KMT2C: variants seen among roughly 807,000 people sequenced by gnomAD.
KMT2C encodes lysine methyltransferase 2C.
KMT2C carries 88 observed loss-of-function variants against 507.9 expected under a neutral mutation model. The ratio of observed to expected loss-of-function variants is 0.17; its 90% CI spans 0.15 to 0.21. The LOEUF is 0.21. Among genes scored for constraint, KMT2C ranks in the 10% least tolerant of loss-of-function variants. The pLI is 1.00. For synonymous variants in KMT2C, 2,049 were observed against 2,080.8 expected, an observed-to-expected ratio of 0.98 and a Z score of 0.42; for missense variants, 4,954 against 5,957.8, an observed-to-expected ratio of 0.83 and a Z score of 5.55.
At chr7:152,358,300 C>A (rs912820500) in intron 2 of KMT2C, among the ~76,000 whole-genome samples, 2 of 151,994 alleles carry the variant, frequency 1.3e-5, no homozygotes, top group Non-Finnish European at 2.9e-5. Flanking sequence ...AGCGATTATA[C>A]TAACAGCCTG....
chr7:152,172,904 G>A (rs367992226), intron 39 of KMT2C, among the ~76,000 whole-genome samples: 14 of 151,938 alleles, frequency 9.2e-5, no homozygotes, highest in African/African-American at 2.9e-4. Flanking sequence ...AATACTTTAA[G>A]GAACATATAT....
At chr7:152,391,551 T>C (rs562599880) in intron 1 of KMT2C, among the ~76,000 whole-genome samples, 2 of 152,226 alleles carry the variant, frequency 1.3e-5, no homozygotes, top group South Asian at 2.1e-4. Context: ...GCCTTTTTTT[T>C]TTTTTTTTTT....
intron 23 of KMT2C, among the ~76,000 whole-genome samples, chr7:152,211,761 C>T (rs370329866): frequency 6.6e-6 from 1 of 152,126 alleles, no homozygotes; most frequent in African/African-American, 2.4e-5. Context: ...AGAAAAAGAC[C>T]GTATCGGCCA....
chr7:152,202,049 T>A (rs1038456287), intron 26 of KMT2C, among the ~76,000 whole-genome samples: 6 of 152,180 alleles, frequency 3.9e-5, no homozygotes, highest in African/African-American at 1.2e-4. Flanking sequence ...CCAATTAAAC[T>A]AGTAATACCT....
At chr7:152,147,707 C>CAAAAAAAAAAAAAAA (rs762588729) in intron 52 of KMT2C, among the ~76,000 whole-genome samples, 7 of 46,722 alleles carry the variant, frequency 1.5e-4, no homozygotes, top group African/African-American at 5.5e-4. Flanking sequence ...AACTCCGTCT[C>CAAAAAAAAAAAAAAA]AAAAAAAAAA....
At chr7:152,170,058 C>A (rs191680933) in intron 40 of KMT2C, among the ~76,000 whole-genome samples, 1 of 152,248 alleles carries the variant, frequency 6.6e-6, no homozygotes, top group African/African-American at 2.4e-5. Flanking sequence ...CTTATACTAG[C>A]AGCCAGAATG....
intron 34 of KMT2C, among the ~76,000 whole-genome samples, chr7:152,184,089 A>AC (rs1463058312): frequency 6.6e-6 from 1 of 151,248 alleles, no homozygotes; most frequent in Non-Finnish European, 1.5e-5. Context: ...AAAAAAAAAA[A>AC]AATTTAGAAA....
chr7:152,418,228 C>G (rs879913106), intron 1 of KMT2C, among the ~76,000 whole-genome samples: 1 of 152,110 alleles, frequency 6.6e-6, no homozygotes, highest in South Asian at 2.1e-4. Flanking sequence ...GCGTGAGCCA[C>G]CATGCCCGGC....
rs559730393 is a variant in KMT2C, at chr7:152,176,294, T to A, written c.9159A>T (p.Leu3053=). The A allele has an allele frequency of 4.2e-5, 67 of 1,614,158 alleles. No homozygotes were observed. The highest frequency in any genetic ancestry group is 2.4e-4 in the African/African-American group (18 of 75,040). ...ERPLLLEEQP[L]LLQDLLDQER... ...CTTGATCCAAAAGATCCTGTAGAAGTAGAGGCTGTTCTTCTAGAAGAAGGG... is the reference window on the plus strand; with the variant it reads ...CTTGATCCAAAAGATCCTGTAGAAGAAGAGGCTGTTCTTCTAGAAGAAGGG... The change falls in exon 38 of 59, where the codon CTA becomes CTT. Residue 3053 remains leucine, a synonymous_variant. Transcript: ENST00000262189.
At chr7:152,432,818 CAA>C (rs1372656539) in intron 1 of KMT2C, among the ~76,000 whole-genome samples, 1 of 151,738 alleles carries the variant, frequency 6.6e-6, no homozygotes, top group Non-Finnish European at 1.5e-5. Context: ...TTTTTTAAGC[CAA>C]AGATAAATAC....
At chr7:152,243,913 G>C (rs1461889598) in intron 14 of KMT2C, among the ~76,000 whole-genome samples, 1 of 152,136 alleles carries the variant, frequency 6.6e-6, no homozygotes, top group Non-Finnish European at 1.5e-5. Flanking sequence ...GTCTGAACTA[G>C]ATCATAGTAG....
At chr7:152,359,569 A>C (rs1190476636) in intron 1 of KMT2C, among the ~76,000 whole-genome samples, 1 of 152,042 alleles carries the variant, frequency 6.6e-6, no homozygotes, top group Non-Finnish European at 1.5e-5. Context: ...CAAGAGTTCA[A>C]GACCAGCCTG....
chr7:152,228,720 A>C (rs1422449609), intron 18 of KMT2C, among the ~76,000 whole-genome samples: 3 of 152,240 alleles, frequency 2.0e-5, no homozygotes, highest in Non-Finnish European at 4.4e-5. Flanking sequence ...CAAAACATTA[A>C]GTATTCTAAA....
chr7:152,193,684 C>CCA lies in KMT2C; in HGVS notation c.4660+323_4660+324dup, dbSNP rs140030416. Among the ~76,000 whole-genome samples the CCA allele has an allele frequency of 2.6e-3, 389 of 151,028 alleles. 1 individual carries two copies. Among genetic ancestry groups the CCA allele is most frequent in the African/African-American group, 6.1e-3 (250 of 41,168 alleles). On this transcript the variant is annotated intron_variant, in intron 31 of 58. Coordinates refer to ENST00000262189, the MANE Select transcript of KMT2C (RefSeq NM_170606.3). ...GGCAGCCAGGTGAGCGGGGACAGTT[C>CCA]CACACACACACACACAGCAAGTGCC... is the stretch of plus-strand genomic sequence containing the variant.
rs771146833 is a variant in KMT2C at position 152,248,128 on chromosome 7, G to A, written c.2306C>T (p.Ser769Leu). The A allele has an allele frequency of 2.7e-5, 43 of 1,614,094 alleles. No individual in the cohort carries two copies. Among genetic ancestry groups the A allele is most frequent in the Non-Finnish European group, 3.6e-5 (42 of 1,180,014 alleles). The change falls in exon 14 of 59, where the codon TCA becomes TTA. Residue 769 changes from serine (S) to leucine (L), a missense_variant. By Grantham distance (145) the Ser-to-Leu change is moderately radical. Transcript: ENST00000262189. ...SIKLSSETES[S>L]FSSSADISKA... ...GCTTATGTCTGCTGATGATGAAAATGATGACTCTGTCTCAGATGATAACTT... is the reference window on the plus strand; with the variant it reads ...GCTTATGTCTGCTGATGATGAAAATAATGACTCTGTCTCAGATGATAACTT...
chr7:152,344,353 T>C (rs1388934439), intron 2 of KMT2C, among the ~76,000 whole-genome samples: 1 of 152,126 alleles, frequency 6.6e-6, no homozygotes, highest in Non-Finnish European at 1.5e-5. Flanking sequence ...GCATATACAG[T>C]ATGGATGTGC....
intron 2 of KMT2C, among the ~76,000 whole-genome samples, chr7:152,340,256 A>C (rs1589294944): frequency 6.6e-6 from 1 of 151,294 alleles, no homozygotes; most frequent in Non-Finnish European, 1.5e-5. Flanking sequence ...CCAAAGTGCT[A>C]GAATTACAGG....
chr7:152,262,989 A>T (rs750902416), intron 9 of KMT2C, 27 bp downstream of exon 9: 16 of 1,545,422 alleles, frequency 1.0e-5, no homozygotes, highest in East Asian at 2.3e-5. Context: ...GAGAGGATTT[A>T]AAAAAATAAA....
At chr7:152,290,086 G>A (rs561574775) in intron 6 of KMT2C, among the ~76,000 whole-genome samples, 5,358 of 150,528 alleles carry the variant, frequency 0.036, 120 homozygotes, top group South Asian at 0.088. Context: ...AAAAACAACC[G>A]TATCAATAGT....
Sources: gnomAD v4.1 joint callset for allele counts (sites outside exome capture counted in the v4.1 genomes callset) on GRCh38, gnomAD v4.1.1 for gene constraint, MANE v1.5 for transcripts, NCBI Gene and HGNC (gene_info 2026-07-23, HGNC 2026-07-21) for gene names.